SH3GL2: variants seen among roughly 807,000 people sequenced by gnomAD.
The protein encoded by SH3GL2 is endophilin-A1.
SH3GL2 carries 24 observed loss-of-function variants against 46.0 expected under a neutral mutation model. That is an observed-to-expected ratio of 0.52 (90% CI 0.38 to 0.73). SH3GL2 has a LOEUF of 0.73. Ranked by LOEUF, SH3GL2 falls within the 30% of genes least tolerant of loss-of-function variation. SH3GL2 has a pLI of 0.00. For synonymous variants in SH3GL2, 196 were observed against 147.1 expected (o/e 1.33, Z -2.40); for missense variants, 413 against 424.2 (o/e 0.97, Z 0.23).
chr9:17,664,798 G>T (rs1008653308), intron 1 of SH3GL2, among the ~76,000 whole-genome samples: 8 of 151,278 alleles, frequency 5.3e-5, no homozygotes, highest in African/African-American at 1.9e-4. Flanking sequence ...TTCTTTCCTA[G>T]CCCTTCTTTT....
intron 1 of SH3GL2, among the ~76,000 whole-genome samples, chr9:17,594,315 C>CT (rs1816197424): frequency 6.6e-6 from 1 of 152,188 alleles, no homozygotes; most frequent in African/African-American, 2.4e-5. Context: ...ATGCTCTTCC[C>CT]TCTCTGTGGA....
At chr9:17,674,810 G>A (rs1406637112) in intron 1 of SH3GL2, among the ~76,000 whole-genome samples, 1 of 152,126 alleles carries the variant, frequency 6.6e-6, no homozygotes, top group East Asian at 1.9e-4. Context: ...TCTTTCCATG[G>A]CAGTCTCAGA....
chr9:17,748,356 ATTGTAAAGAATATTGCT>A (rs1822752337), intron 2 of SH3GL2, among the ~76,000 whole-genome samples: 1 of 152,182 alleles, frequency 6.6e-6, no homozygotes, highest in Admixed American at 6.5e-5. Context: ...ACATTTAAAC[ATTGTAAAGAATATTGCT>A]TTTGTACTTC....
rs1818219511 is a variant in SH3GL2 at position 17,579,070 on chromosome 9, G to C, written c.-173G>C. 2.1e-6 allele frequency: 1 copy of C among 468,340 alleles called. No individual in the cohort carries two copies. The highest frequency in any genetic ancestry group is 3.7e-6 in the Non-Finnish European group (1 of 269,756). The allele number at this position is 468,340 out of a possible 1,614,324, so 29.0% of individuals were successfully genotyped here. On this transcript the variant is annotated 5_prime_UTR_variant, in exon 1 of 9. Transcript: ENST00000380607. ...GCCGCATCACCCGCCCTTGACGTCA[G>C]AGTGTTTCTCCGCAAGAGCCCGTGT...
chr9:17,616,619 AATC>A (rs1400310534), intron 1 of SH3GL2, among the ~76,000 whole-genome samples: 2 of 152,204 alleles, frequency 1.3e-5, no homozygotes, highest in Non-Finnish European at 2.9e-5. Flanking sequence ...AATCTTTTGA[AATC>A]ATGCAGGGGA....
chr9:17,706,208 C>G (rs544077750), intron 1 of SH3GL2, among the ~76,000 whole-genome samples: 1 of 152,178 alleles, frequency 6.6e-6, no homozygotes, highest in Admixed American at 6.6e-5. Context: ...TAAGTAGGGC[C>G]TGAATCCCAT....
intron 1 of SH3GL2, among the ~76,000 whole-genome samples, chr9:17,652,428 A>C (rs1819978413): frequency 6.6e-6 from 1 of 152,024 alleles, no homozygotes; most frequent in African/African-American, 2.4e-5. Flanking sequence ...TAAGAATATA[A>C]TCTGGTGGAG....
chr9:17,677,372 G>A (rs3808717), intron 1 of SH3GL2, among the ~76,000 whole-genome samples: 49,204 of 151,864 alleles, frequency 0.32, 8,304 homozygotes, highest in East Asian at 0.52. Flanking sequence ...TGAAGGGATG[G>A]CTCAATATTA....
At chr9:17,738,879 ATCT>A (rs1236771873) in intron 1 of SH3GL2, among the ~76,000 whole-genome samples, 1 of 151,974 alleles carries the variant, frequency 6.6e-6, no homozygotes, top group Non-Finnish European at 1.5e-5. Flanking sequence ...ATGAAGGATA[ATCT>A]TCTTTACTTG....
chr9:17,699,263 G>T (rs1263075570), intron 1 of SH3GL2, among the ~76,000 whole-genome samples: 2 of 151,820 alleles, frequency 1.3e-5, no homozygotes, highest in African/African-American at 4.8e-5. Flanking sequence ...GTCACTGTCA[G>T]TCATTTGGTA....
At chr9:17,780,492 T>TA (rs1246836239) in intron 3 of SH3GL2, among the ~76,000 whole-genome samples, 2 of 148,226 alleles carry the variant, frequency 1.3e-5, no homozygotes, top group Non-Finnish European at 3.0e-5. Flanking sequence ...ATTTTTTTTT[T>TA]ATTATACTCT....
At chr9:17,790,334 T>C (rs1824088744) in intron 6 of SH3GL2, 1 of 452,718 alleles carries the variant, frequency 2.2e-6, no homozygotes, top group Admixed American at 6.4e-5. Flanking sequence ...CTTTACCAGC[T>C]ATCTGGGGAT....
intron 1 of SH3GL2, among the ~76,000 whole-genome samples, chr9:17,743,959 A>C (rs1272591987): frequency 6.6e-6 from 1 of 152,192 alleles, no homozygotes; most frequent in East Asian, 1.9e-4. Context: ...ATTAAATATC[A>C]CAGGTCACAG....
chr9:17,686,850 T>G, intron 1 of SH3GL2, among the ~76,000 whole-genome samples: 3 of 147,526 alleles, frequency 2.0e-5, no homozygotes, highest in African/African-American at 2.5e-5. Context: ...GATGACGAGT[T>G]AGTGGGTGCA....
intron 1 of SH3GL2, among the ~76,000 whole-genome samples, chr9:17,643,130 A>G (rs1188139337): frequency 6.6e-6 from 1 of 151,870 alleles, no homozygotes; most frequent in Non-Finnish European, 1.5e-5. Flanking sequence ...GTTCCTAGGT[A>G]TTTTATTCTC....
At chr9:17,737,213 G>T (rs1042024596) in intron 1 of SH3GL2, among the ~76,000 whole-genome samples, 2 of 151,972 alleles carry the variant, frequency 1.3e-5, no homozygotes, top group Non-Finnish European at 2.9e-5. Context: ...GGGGTGGGGG[G>T]CTAGGGGAGG....
chr9:17,611,867 A>G lies in SH3GL2; in HGVS notation c.45+32580A>G, dbSNP rs148018593. 2.2e-4 allele frequency among the ~76,000 whole-genome samples: 33 copies of G among 151,866 alleles called. No homozygotes were observed. The East Asian group carries it at 6.5e-3, about 30-fold the overall frequency. ...ACTCCTCTTGTCTTTGGTGCCCATT[A>G]TGGGAATCGTAATGACAACTTGCCT... is the stretch of plus-strand genomic sequence containing the variant. On this transcript the variant is annotated intron_variant, in intron 1 of 8. Transcript: ENST00000380607.
At chr9:17,607,841 G>A (rs753902782) in intron 1 of SH3GL2, among the ~76,000 whole-genome samples, 15 of 152,116 alleles carry the variant, frequency 9.9e-5, no homozygotes, top group Non-Finnish European at 1.9e-4. Context: ...ATAATGAATG[G>A]TATGACACTT....
chr9:17,728,141 C>T (rs886370304), intron 1 of SH3GL2, among the ~76,000 whole-genome samples: 1 of 152,110 alleles, frequency 6.6e-6, no homozygotes, highest in African/African-American at 2.4e-5. Context: ...AATAATGTAA[C>T]AGATTTCTAT....
Sources: gnomAD v4.1 joint callset for allele counts (sites outside exome capture counted in the v4.1 genomes callset) on GRCh38, gnomAD v4.1.1 for gene constraint, MANE v1.5 for transcripts, NCBI Gene and HGNC (gene_info 2026-07-23, HGNC 2026-07-21) for gene names.